Variants in SYNDIG1 observed in about 807,000 individuals in gnomAD.
The protein encoded by SYNDIG1 is synapse differentiation-inducing gene protein 1.
In SYNDIG1, 9 loss-of-function variants were observed where a neutral mutation model predicts 19.4. The ratio of observed to expected loss-of-function variants is 0.46; its 90% CI spans 0.28 to 0.81. SYNDIG1 has a LOEUF of 0.81. SYNDIG1 is among the 30% of genes least tolerant of loss of function. The pLI, the probability that SYNDIG1 is intolerant of heterozygous loss-of-function variation, is 0.12. For missense variants in SYNDIG1, 311 were observed against 343.3 expected (o/e 0.91, Z 0.74); for synonymous variants, 141 against 145.9 (o/e 0.97, Z 0.24).
rs118181215 is a variant in SYNDIG1, at chr20:24,661,901, G to A, written c.619-3445G>A. On this transcript the variant is annotated intron_variant, in intron 3 of 3. Coordinates refer to ENST00000376862, the MANE Select transcript of SYNDIG1 (RefSeq NM_024893.3). ...AAATGTGACCAATGGGCAGGGTGGG[G>A]GGTTCCACCAGAGAGAATTGCTGGT... Among the ~76,000 whole-genome samples, 619 of 152,224 alleles carry A rather than the reference G, an allele frequency of 4.1e-3. 7 individuals carry two copies. Among genetic ancestry groups the A allele is most frequent in the Non-Finnish European group, 4.0e-3 (273 of 68,020 alleles).
chr20:24,564,629 GTCC>G (rs2058007288), intron 2 of SYNDIG1, among the ~76,000 whole-genome samples: 1 of 152,218 alleles, frequency 6.6e-6, no homozygotes, highest in Non-Finnish European at 1.5e-5. Flanking sequence ...AGGATAGTCT[GTCC>G]TTACAGATGA....
At chr20:24,488,989 C>G (rs755805600) in intron 1 of SYNDIG1, among the ~76,000 whole-genome samples, 7 of 152,222 alleles carry the variant, frequency 4.6e-5, no homozygotes, top group Non-Finnish European at 8.8e-5. Context: ...CATTTCCCCA[C>G]TGTGGCTGAG....
At chr20:24,613,459 C>T (rs1177981202) in intron 3 of SYNDIG1, among the ~76,000 whole-genome samples, 2 of 152,200 alleles carry the variant, frequency 1.3e-5, no homozygotes, top group Non-Finnish European at 2.9e-5. Flanking sequence ...CAGACCTGCC[C>T]ATGGACCCCA....
At chr20:24,547,839 G>A in intron 2 of SYNDIG1, among the ~76,000 whole-genome samples, 1 of 152,218 alleles carries the variant, frequency 6.6e-6, no homozygotes, top group East Asian at 1.9e-4. Flanking sequence ...TTACAGCCAT[G>A]AAATGAAGTG....
At chr20:24,573,017 C>T (rs1053440938) in intron 2 of SYNDIG1, among the ~76,000 whole-genome samples, 24 of 152,150 alleles carry the variant, frequency 1.6e-4, no homozygotes, top group Middle Eastern at 3.2e-3. Flanking sequence ...TCCCAGCCCC[C>T]GTCCTGACCC....
At chr20:24,664,903 G>A (rs2059634293) in intron 3 of SYNDIG1, among the ~76,000 whole-genome samples, 1 of 152,146 alleles carries the variant, frequency 6.6e-6, no homozygotes, top group Non-Finnish European at 1.5e-5. Flanking sequence ...GGGTAGCAGA[G>A]ATTCAATAAG....
At chr20:24,662,588 C>T (rs77586608) in intron 3 of SYNDIG1, among the ~76,000 whole-genome samples, 8 of 152,162 alleles carry the variant, frequency 5.3e-5, no homozygotes, top group South Asian at 2.1e-4. Flanking sequence ...TGAGCTGAAA[C>T]GCTTTCTCTG....
intron 1 of SYNDIG1, among the ~76,000 whole-genome samples, chr20:24,540,862 A>G (rs2057455414): frequency 6.6e-6 from 1 of 152,080 alleles, no homozygotes; most frequent in South Asian, 2.1e-4. Context: ...TAATGTTCCT[A>G]TGGTGTCTTT....
chr20:24,553,056 G>C (rs372719264), intron 2 of SYNDIG1, among the ~76,000 whole-genome samples: 1 of 151,658 alleles, frequency 6.6e-6, no homozygotes, highest in African/African-American at 2.4e-5. Context: ...TTCTCTGATG[G>C]CCAGTGATGG....
chr20:24,534,673 T>C (rs2057327469), intron 1 of SYNDIG1, among the ~76,000 whole-genome samples: 1 of 152,164 alleles, frequency 6.6e-6, no homozygotes, highest in Non-Finnish European at 1.5e-5. Context: ...AAATTGTCTT[T>C]CTCCTGTGCT....
At chr20:24,582,154 C>T (rs2058336912) in intron 2 of SYNDIG1, among the ~76,000 whole-genome samples, 1 of 144,688 alleles carries the variant, frequency 6.9e-6, no homozygotes, top group Non-Finnish European at 1.5e-5. Context: ...CACTCCCTCC[C>T]CACTGCACTC....
intron 2 of SYNDIG1, among the ~76,000 whole-genome samples, chr20:24,583,772 T>C (rs924632774): frequency 5.9e-5 from 9 of 152,256 alleles, no homozygotes; most frequent in African/African-American, 2.2e-4. Flanking sequence ...TTTCAAAAAT[T>C]ACTATGGAAT....
intron 3 of SYNDIG1, among the ~76,000 whole-genome samples, chr20:24,593,772 T>G (rs1212820962): frequency 6.6e-6 from 1 of 152,200 alleles, no homozygotes; most frequent in African/African-American, 2.4e-5. Flanking sequence ...TGATTTGCAT[T>G]TCTCTAATGA....
chr20:24,552,008 G>T (rs1416034048), intron 2 of SYNDIG1, among the ~76,000 whole-genome samples: 1 of 152,180 alleles, frequency 6.6e-6, no homozygotes, highest in Non-Finnish European at 1.5e-5. Context: ...TCCTGTTCGT[G>T]TCTCCTGTTC....
chr20:24,662,050 G>A lies in SYNDIG1; in HGVS notation c.619-3296G>A, dbSNP rs768707644. On this transcript the variant is annotated intron_variant, in intron 3 of 3. Coordinates refer to ENST00000376862, the MANE Select transcript of SYNDIG1 (RefSeq NM_024893.3). ...CTTTACATGTGGATCAACAGCTCTC[G>A]GTCCTTTGACAGCCAGTTCCTTTGA... Among the ~76,000 whole-genome samples the A allele has an allele frequency of 4.6e-5, 7 of 151,970 alleles. No homozygotes were observed. The East Asian group carries it at 9.7e-4, about 21-fold the overall frequency.
chr20:24,531,861 G>A (rs182924770), intron 1 of SYNDIG1, among the ~76,000 whole-genome samples: 2 of 152,314 alleles, frequency 1.3e-5, no homozygotes, highest in East Asian at 1.9e-4. Context: ...TGGGACACTC[G>A]GCATGCAAAA....
intron 3 of SYNDIG1, among the ~76,000 whole-genome samples, chr20:24,609,972 TCAC>T (rs1230780856): frequency 3.3e-5 from 5 of 152,026 alleles, no homozygotes. Context: ...GCAACACTGC[TCAC>T]CACCACCACA....
In SYNDIG1 at chr20:24,665,763, G is replaced by A. The variant is rs550348890; in HGVS notation, c.*259G>A. 1.1e-4 allele frequency: 56 copies of A among 492,030 alleles called. No individual in the cohort carries two copies. In the South Asian group the frequency reaches 1.6e-3, roughly 14 times the overall value. 30.5% of individuals were successfully genotyped at this position (492,030 alleles called of 1,614,324 possible). On this transcript the variant is annotated 3_prime_UTR_variant, in exon 4 of 4. Transcript: ENST00000376862. ...GATCCCAGCCCGCAAGGCTGTCTCT[G>A]GATGGATTCTGGTGGATGAATGGCA...
chr20:24,538,666 G>T (rs1323621197), intron 1 of SYNDIG1, among the ~76,000 whole-genome samples: 1 of 152,102 alleles, frequency 6.6e-6, no homozygotes. Flanking sequence ...AATTATTTGA[G>T]GAACTGCCAT....
Sources: allele counts gnomAD v4.1 joint callset (sites outside exome capture counted in the v4.1 genomes callset), GRCh38; gene constraint gnomAD v4.1.1; transcripts MANE v1.5; gene names NCBI Gene and HGNC (gene_info 2026-07-23, HGNC 2026-07-21).